The following TBC1D14 variants were observed in gnomAD, a reference collection of about 807,000 sequenced individuals.
TBC1D14 encodes TBC1 domain family member 14.
In TBC1D14, 26 loss-of-function variants were observed where a neutral mutation model predicts 79.0. The ratio of observed to expected loss-of-function variants is 0.33; its 90% CI spans 0.24 to 0.46. The LOEUF (loss-of-function observed/expected upper bound fraction) is 0.46, where lower values mean the gene tolerates loss of function less well. TBC1D14 is among the 20% of genes least tolerant of loss of function. The pLI, the probability that TBC1D14 is intolerant of heterozygous loss-of-function variation, is 1.00. For missense variants in TBC1D14, 769 were observed against 887.6 expected (o/e 0.87, Z 1.70); for synonymous variants, 394 against 349.9 (o/e 1.13, Z -1.40).
intron 2 of TBC1D14, among the ~76,000 whole-genome samples, chr4:6,930,189 C>T (rs888416595): frequency 8.5e-5 from 13 of 152,276 alleles, no homozygotes; most frequent in African/African-American, 2.9e-4. Flanking sequence ...GGCGTCTGTC[C>T]GGGCACTGAA....
intron 1 of TBC1D14, among the ~76,000 whole-genome samples, chr4:6,918,096 G>T (rs1166675742): frequency 6.6e-6 from 1 of 152,144 alleles, no homozygotes; most frequent in African/African-American, 2.4e-5. Context: ...GCTGTCCCTG[G>T]CCCCCCACCG....
chr4:7,021,830 G>A (rs1008878495), intron 12 of TBC1D14, among the ~76,000 whole-genome samples: 2 of 152,190 alleles, frequency 1.3e-5, no homozygotes, highest in African/African-American at 2.4e-5. Flanking sequence ...GTACTGAGCC[G>A]TCTCTGGGAA....
chr4:7,017,605 G>C (rs1409484104), intron 12 of TBC1D14, among the ~76,000 whole-genome samples: 2 of 152,210 alleles, frequency 1.3e-5, no homozygotes, highest in Non-Finnish European at 2.9e-5. Flanking sequence ...GTTCTTCACT[G>C]CTGAGGCCTT....
At chr4:6,915,795 A>ATGAGCTG (rs1351453798) in intron 1 of TBC1D14, among the ~76,000 whole-genome samples, 3 of 151,982 alleles carry the variant, frequency 2.0e-5, no homozygotes, top group Admixed American at 2.0e-4. Context: ...TGGAGTAGGA[A>ATGAGCTG]TGAGCTGTGT....
intron 11 of TBC1D14, among the ~76,000 whole-genome samples, chr4:7,013,516 T>C (rs144646054): frequency 2.0e-5 from 3 of 152,182 alleles, no homozygotes; most frequent in Non-Finnish European, 4.4e-5. Context: ...CTTCCCAGCT[T>C]TGTACATTTT....
chr4:7,029,642 C>T (rs547528559), intron 13 of TBC1D14, among the ~76,000 whole-genome samples: 65 of 152,264 alleles, frequency 4.3e-4, no homozygotes, highest in African/African-American at 8.2e-4. Flanking sequence ...CTGGCCAATA[C>T]GGTGAAACCC....
intron 2 of TBC1D14, among the ~76,000 whole-genome samples, chr4:6,939,088 G>A (rs1163318650): frequency 6.6e-6 from 1 of 152,182 alleles, no homozygotes; most frequent in African/African-American, 2.4e-5. Flanking sequence ...GCAGTGGACG[G>A]CATCCTGGCT....
intron 3 of TBC1D14, among the ~76,000 whole-genome samples, chr4:6,990,322 G>A (rs973287425): frequency 1.4e-4 from 21 of 152,188 alleles, no homozygotes; most frequent in African/African-American, 4.3e-4. Context: ...GGTGGCACGC[G>A]CTTGTAATCC....
chr4:7,011,304 C>T (rs1720743919), intron 11 of TBC1D14, among the ~76,000 whole-genome samples: 3 of 150,072 alleles, frequency 2.0e-5, no homozygotes, highest in Admixed American at 1.3e-4. Flanking sequence ...TATGACACTG[C>T]GTAAGTGGGA....
At chr4:6,910,192 A>C (rs748843422) in intron 1 of TBC1D14, 17 of 151,440 alleles carry the variant, frequency 1.1e-4, no homozygotes, top group Non-Finnish European at 2.2e-4. Flanking sequence ...GACTCTCGGG[A>C]CTCGGCGGCC....
intron 2 of TBC1D14, among the ~76,000 whole-genome samples, chr4:6,957,446 A>G (rs1343380535): frequency 6.6e-6 from 1 of 152,232 alleles, no homozygotes; most frequent in Non-Finnish European, 1.5e-5. Flanking sequence ...AGTTGCTGGC[A>G]TGGTACGGCG....
At chr4:7,029,245 T>C (rs771336621) in intron 13 of TBC1D14, among the ~76,000 whole-genome samples, 9 of 152,272 alleles carry the variant, frequency 5.9e-5, no homozygotes, top group Non-Finnish European at 1.3e-4. Flanking sequence ...TGCACCTTAA[T>C]TGAAACCAAA....
rs1348760454 is a variant in TBC1D14 at position 7,031,692 on chromosome 4, G to C, written c.*1300G>C. ...CGGTCCGCTGGCAGGCTGGTCCTGG[G>C]GAGCATTCTGCGGACCCGGTCACGG... On this transcript the variant is annotated 3_prime_UTR_variant, in exon 14 of 14. Transcript: ENST00000409757. 2 of 152,290 alleles carry C rather than the reference G, an allele frequency of 1.3e-5. No homozygotes were observed. Among genetic ancestry groups the C allele is most frequent in the African/African-American group, 4.8e-5 (2 of 41,476 alleles). The allele number at this position is 152,290 out of a possible 1,614,324, so 9.4% of individuals were successfully genotyped here.
intron 3 of TBC1D14, chr4:6,987,333 A>T: frequency 7.1e-7 from 1 of 1,417,964 alleles, no homozygotes. Flanking sequence ...CGCGCCTCTA[A>T]GGCCCCGGCG....
chr4:6,987,060 T>G, intron 3 of TBC1D14: 1 of 513,922 alleles, frequency 1.9e-6, no homozygotes, highest in Non-Finnish European at 2.6e-6. Flanking sequence ...GGTGGGGCCG[T>G]ACCACGGGGA....
At chr4:6,982,761 G>A (rs1440266682) in intron 3 of TBC1D14, among the ~76,000 whole-genome samples, 1 of 152,152 alleles carries the variant, frequency 6.6e-6, no homozygotes, top group East Asian at 1.9e-4. Flanking sequence ...GGGAATTGGT[G>A]AAATCCTAAA....
At chr4:6,934,697 T>C (rs1712139090) in intron 2 of TBC1D14, among the ~76,000 whole-genome samples, 1 of 151,918 alleles carries the variant, frequency 6.6e-6, no homozygotes, top group Non-Finnish European at 1.5e-5. Flanking sequence ...AATTGACTGT[T>C]TAGCAATGAG....
chr4:7,028,493 C>G (rs1188093582), intron 13 of TBC1D14, among the ~76,000 whole-genome samples: 1 of 151,360 alleles, frequency 6.6e-6, no homozygotes, highest in Non-Finnish European at 1.5e-5. Flanking sequence ...GTGGCGCAAT[C>G]TTGGCTCACT....
intron 2 of TBC1D14, among the ~76,000 whole-genome samples, chr4:6,937,816 A>T (rs1002949781): frequency 6.6e-6 from 1 of 152,086 alleles, no homozygotes. Context: ...GAGAAGCAGG[A>T]TGGAGACCCT....
Sources: allele counts gnomAD v4.1 joint callset (sites outside exome capture counted in the v4.1 genomes callset), GRCh38; gene constraint gnomAD v4.1.1; transcripts MANE v1.5; gene names NCBI Gene and HGNC (gene_info 2026-07-23, HGNC 2026-07-21).